CLIC4: variants seen among roughly 807,000 people sequenced by gnomAD.
CLIC4 encodes chloride intracellular channel protein 4.
CLIC4 carries 13 observed loss-of-function variants against 24.6 expected under a neutral mutation model. That is an observed-to-expected ratio of 0.53 (90% confidence interval 0.34 to 0.84). CLIC4 has a LOEUF of 0.84. CLIC4 is among the 40% of genes least tolerant of loss of function. The pLI is 0.01. For synonymous variants in CLIC4, 104 were observed against 111.3 expected, an observed-to-expected ratio of 0.93 and a Z score of 0.41; for missense variants, 227 against 301.7, an observed-to-expected ratio of 0.75 and a Z score of 1.83.
chr1:24,768,795 G>A (rs1337362814), intron 1 of CLIC4, among the ~76,000 whole-genome samples: 1 of 151,572 alleles, frequency 6.6e-6, no homozygotes, highest in Non-Finnish European at 1.5e-5. Flanking sequence ...CAGCTACTCG[G>A]GAGGCTAAGG....
intron 1 of CLIC4, among the ~76,000 whole-genome samples, chr1:24,751,132 T>C (rs1638769338): frequency 6.6e-6 from 1 of 152,104 alleles, no homozygotes; most frequent in African/African-American, 2.4e-5. Flanking sequence ...TCCTGATTTC[T>C]CTAGCCTCCA....
At chr1:24,833,474 G>A (rs1639857491) in intron 4 of CLIC4, among the ~76,000 whole-genome samples, 1 of 3,440 alleles carries the variant, frequency 2.9e-4, no homozygotes, top group African/African-American at 5.1e-4. Context: ...GCGGCTGGCC[G>A]GGCGGGGGGC....
intron 1 of CLIC4, among the ~76,000 whole-genome samples, chr1:24,791,452 A>AT: frequency 6.6e-6 from 1 of 152,204 alleles, no homozygotes; most frequent in East Asian, 1.9e-4. Flanking sequence ...AGAAATTTGA[A>AT]TTTTTTGCCA....
chr1:24,753,281 A>G (rs1638802141), intron 1 of CLIC4, among the ~76,000 whole-genome samples: 1 of 152,252 alleles, frequency 6.6e-6, no homozygotes, highest in Non-Finnish European at 1.5e-5. Context: ...TATGACTTAA[A>G]GAATGTACCG....
chr1:24,805,742 A>G (rs1322527039), intron 2 of CLIC4, among the ~76,000 whole-genome samples: 1 of 152,188 alleles, frequency 6.6e-6, no homozygotes, highest in African/African-American at 2.4e-5. Flanking sequence ...TTTCATACCA[A>G]GCAGCTGGAA....
Position 24,832,261 on chromosome 1 carries a change from A to AT in CLIC4, c.415+5152dup, listed in dbSNP as rs1259229820. On this transcript the variant is annotated intron_variant, in intron 4 of 5. Transcript: ENST00000374379. ...TTTGAGCAGTAACGTTTTATTTTTT[A>AT]TTTTTTTATTTTTTATTTTTTTTAT... Among the ~76,000 whole-genome samples, 4 of 990 alleles carry AT rather than the reference A, an allele frequency of 4.0e-3. 1 individual carries two copies. The highest frequency in any genetic ancestry group is 4.2e-3 in the African/African-American group (4 of 956). 0.6% of individuals were successfully genotyped at this position (990 alleles called of 152,430 possible).
At chr1:24,789,838 C>A (rs1410357289) in intron 1 of CLIC4, among the ~76,000 whole-genome samples, 3 of 151,782 alleles carry the variant, frequency 2.0e-5, no homozygotes, top group Admixed American at 1.3e-4. Context: ...CAGATCATTC[C>A]ATTTGATATG....
intron 1 of CLIC4, among the ~76,000 whole-genome samples, chr1:24,760,735 G>A (rs1307729187): frequency 6.6e-6 from 1 of 152,048 alleles, no homozygotes; most frequent in African/African-American, 2.4e-5. Flanking sequence ...CAAAGTTCTT[G>A]TCATTATGGC....
At chr1:24,760,598 C>A (rs1486204450) in intron 1 of CLIC4, among the ~76,000 whole-genome samples, 1 of 151,974 alleles carries the variant, frequency 6.6e-6, no homozygotes, top group African/African-American at 2.4e-5. Context: ...ACTTGATACA[C>A]TTTTGGCTTT....
At chr1:24,828,140 A>AT in intron 4 of CLIC4, among the ~76,000 whole-genome samples, 1 of 152,348 alleles carries the variant, frequency 6.6e-6, no homozygotes, top group Admixed American at 6.5e-5. Flanking sequence ...TAATTTCCTT[A>AT]TGTTATTTCA....
Position 24,839,874 on chromosome 1 carries a change from C to T in CLIC4, c.430C>T (p.Leu144Phe). The T allele has an allele frequency of 6.2e-7, 1 of 1,611,318 alleles. No homozygotes were observed. Among genetic ancestry groups the T allele is most frequent in the Non-Finnish European group, 8.5e-7 (1 of 1,179,496 alleles). The change falls in exon 5 of 6, where the codon CTC (leucine) becomes TTC (phenylalanine). Residue 144 changes from leucine to phenylalanine, a missense_variant. Leu to Phe is a conservative substitution (Grantham distance 22). Transcript: ENST00000374379. Reference sequence around the variant, plus strand: ...TCCCCCCCAAGCACTGGAGAGGGGTCTCCTGAAAACCCTGCAGAAACTGGA... The same window carrying T: ...TCCCCCCCAAGCACTGGAGAGGGGTTTCCTGAAAACCCTGCAGAAACTGGA... The part of the protein sequence containing the change: ...PEANEALERG[L>F]LKTLQKLDEY...
rs552630401 is a variant in CLIC4, at chr1:24,784,003, A to ATT, written c.73-13722_73-13721dup. ...GGCAAACTTCTTCATTCCAGTTTTG[A>ATT]TTTTTTTTTTTTTTTTTTGAGATGG... On this transcript the variant is annotated intron_variant, in intron 1 of 5. Coordinates refer to ENST00000374379, the MANE Select transcript of CLIC4 (RefSeq NM_013943.3). Among the ~76,000 whole-genome samples the ATT allele has an allele frequency of 2.0e-3, 257 of 130,238 alleles. 1 individual carries two copies. Among genetic ancestry groups the ATT allele is most frequent in the African/African-American group, 6.8e-3 (244 of 35,708 alleles). The allele number at this position is 130,238 out of a possible 152,430, so 85.4% of individuals were successfully genotyped here.
chr1:24,828,509 C>G (rs961121691), intron 4 of CLIC4, among the ~76,000 whole-genome samples: 19 of 152,122 alleles, frequency 1.2e-4, no homozygotes, highest in African/African-American at 4.3e-4. Context: ...ATAAAACTAC[C>G]CTTTTATACT....
At chr1:24,799,708 A>G (rs1446169975) in intron 2 of CLIC4, among the ~76,000 whole-genome samples, 4 of 111,824 alleles carry the variant, frequency 3.6e-5, no homozygotes, top group South Asian at 3.2e-4. Context: ...TGGGGGGGTC[A>G]GCCCCCCGCC....
At chr1:24,750,467 G>A (rs563197682) in intron 1 of CLIC4, among the ~76,000 whole-genome samples, 4 of 135,976 alleles carry the variant, frequency 2.9e-5, no homozygotes, top group South Asian at 2.3e-4. Flanking sequence ...ACGGAGTTTC[G>A]CTCTTGTTAC....
intron 1 of CLIC4, among the ~76,000 whole-genome samples, chr1:24,747,444 G>C (rs1638714129): frequency 6.8e-6 from 1 of 147,274 alleles, no homozygotes; most frequent in African/African-American, 2.5e-5. Flanking sequence ...TGAGGCAGGA[G>C]AATTGCTTGA....
At chr1:24,837,851 C>A (rs971272899) in intron 4 of CLIC4, among the ~76,000 whole-genome samples, 3 of 152,140 alleles carry the variant, frequency 2.0e-5, no homozygotes, top group Non-Finnish European at 2.9e-5. Flanking sequence ...CGGTCTTCTC[C>A]GCAGACTATT....
chr1:24,818,286 T>G (rs1639690951), intron 3 of CLIC4, among the ~76,000 whole-genome samples: 2 of 152,078 alleles, frequency 1.3e-5, no homozygotes, highest in Non-Finnish European at 2.9e-5. Context: ...GGTTTTTTTT[T>G]GTTTGTTTTG....
chr1:24,768,427 T>G (rs1018233134), intron 1 of CLIC4, among the ~76,000 whole-genome samples: 1 of 152,204 alleles, frequency 6.6e-6, no homozygotes. Context: ...ACATTTCTCT[T>G]AAAGAGAAGA....
Sources: gnomAD v4.1 joint callset for allele counts (sites outside exome capture counted in the v4.1 genomes callset) on GRCh38, gnomAD v4.1.1 for gene constraint, MANE v1.5 for transcripts, NCBI Gene and HGNC (gene_info 2026-07-23, HGNC 2026-07-21) for gene names.